WDR41: variants seen among roughly 807,000 people sequenced by gnomAD.
The protein encoded by WDR41 is WD repeat domain 41.
A neutral mutation model predicts 69.3 loss-of-function variants in WDR41; 63 were observed. That is an observed-to-expected ratio of 0.91 (90% CI 0.74 to 1.12). The LOEUF is 1.12. Among genes scored for constraint, WDR41 ranks in the 50% most tolerant of loss-of-function variants. The pLI is 0.00. For synonymous variants in WDR41, 185 were observed against 192.1 expected, an observed-to-expected ratio of 0.96 and a Z score of 0.31; for missense variants, 543 against 534.5, an observed-to-expected ratio of 1.02 and a Z score of -0.16.
chr5:77,569,856 CCT>C (rs1743700882), intron 1 of WDR41, among the ~76,000 whole-genome samples: 1 of 152,148 alleles, frequency 6.6e-6, no homozygotes, highest in African/African-American at 2.4e-5. Context: ...TCAAAGGAAA[CCT>C]CTCACCATTG....
At chr5:77,508,584 T>C (rs1802149712) in intron 1 of WDR41, among the ~76,000 whole-genome samples, 2 of 152,204 alleles carry the variant, frequency 1.3e-5, no homozygotes, top group Non-Finnish European at 2.9e-5. Flanking sequence ...TCACTGGCAG[T>C]TCTGTTGGCT....
intron 1 of WDR41, among the ~76,000 whole-genome samples, chr5:77,617,234 T>C (rs1461830816): frequency 6.6e-6 from 1 of 152,234 alleles, no homozygotes; most frequent in Non-Finnish European, 1.5e-5. Flanking sequence ...ATTGATTTTA[T>C]CTAACTTAAA....
chr5:77,468,817 A>G (rs1362545226), intron 2 of WDR41, among the ~76,000 whole-genome samples: 3 of 152,184 alleles, frequency 2.0e-5, no homozygotes, highest in African/African-American at 4.8e-5. Flanking sequence ...AATACTATAC[A>G]GTTTCCATGA....
intron 1 of WDR41, among the ~76,000 whole-genome samples, chr5:77,525,790 T>G (rs1164118546): frequency 6.6e-6 from 1 of 152,180 alleles, no homozygotes; most frequent in Non-Finnish European, 1.5e-5. Flanking sequence ...TGAGCTCATT[T>G]AGGACAATGC....
At chr5:77,588,619 G>A (rs1744081637) in intron 1 of WDR41, among the ~76,000 whole-genome samples, 1 of 151,946 alleles carries the variant, frequency 6.6e-6, no homozygotes, top group Middle Eastern at 3.2e-3. Context: ...TGACCTATAT[G>A]GTCAATTCTC....
At chr5:77,573,113 C>T (rs1743761361) in intron 1 of WDR41, among the ~76,000 whole-genome samples, 2 of 152,176 alleles carry the variant, frequency 1.3e-5, no homozygotes, top group African/African-American at 2.4e-5. Context: ...GTTCCTTCCT[C>T]TCCAGGACAG....
chr5:77,482,128 T>C (rs1025989316), intron 2 of WDR41, among the ~76,000 whole-genome samples: 4 of 152,218 alleles, frequency 2.6e-5, no homozygotes, highest in African/African-American at 9.6e-5. Context: ...CATGTACTCA[T>C]TGCCTGTCTC....
chr5:77,617,538 T>A (rs1192841951), intron 1 of WDR41, among the ~76,000 whole-genome samples: 1 of 152,106 alleles, frequency 6.6e-6, no homozygotes, highest in Non-Finnish European at 1.5e-5. Flanking sequence ...TATTTAAAAA[T>A]CAGAGAAAGC....
intron 1 of WDR41, among the ~76,000 whole-genome samples, chr5:77,592,550 T>C (rs1744152885): frequency 6.6e-6 from 1 of 152,170 alleles, no homozygotes; most frequent in African/African-American, 2.4e-5. Context: ...AAAGCTGTTA[T>C]ACTCACCATT....
chr5:77,435,095 T>C (rs1258308985), intron 12 of WDR41, among the ~76,000 whole-genome samples: 4 of 152,166 alleles, frequency 2.6e-5, no homozygotes, highest in Admixed American at 6.5e-5. Flanking sequence ...ACGTAAATGC[T>C]ATCTTTGCCC....
intron 2 of WDR41, among the ~76,000 whole-genome samples, chr5:77,469,042 C>T (rs1286210816): frequency 9.2e-5 from 14 of 152,054 alleles, no homozygotes; most frequent in Non-Finnish European, 2.9e-5. Flanking sequence ...ACATATACAC[C>T]ATGGAATACT....
chr5:77,514,755 A>G (rs188845156), intron 1 of WDR41, among the ~76,000 whole-genome samples: 1 of 152,314 alleles, frequency 6.6e-6, no homozygotes, highest in East Asian at 1.9e-4. Flanking sequence ...GGTCTAGCCC[A>G]TTGCTCCTAG....
intron 2 of WDR41, among the ~76,000 whole-genome samples, chr5:77,472,560 G>A (rs1444190320): frequency 2.6e-5 from 4 of 152,062 alleles, no homozygotes; most frequent in South Asian, 2.1e-4. Flanking sequence ...TAAGCTGATA[G>A]GCAACTTCAG....
At chr5:77,540,148 C>G (rs1346393946) in intron 1 of WDR41, among the ~76,000 whole-genome samples, 1 of 152,176 alleles carries the variant, frequency 6.6e-6, no homozygotes, top group African/African-American at 2.4e-5. Context: ...TGATAGAATT[C>G]CCAGTACACT....
At chr5:77,587,186 T>C (rs1012499638) in intron 1 of WDR41, among the ~76,000 whole-genome samples, 2 of 151,824 alleles carry the variant, frequency 1.3e-5, no homozygotes, top group African/African-American at 4.8e-5. Flanking sequence ...TGCCTGCTCC[T>C]GAAGTTTATA....
At position 77,524,839 on chromosome 5, in the gene WDR41, G is replaced by T. The variant is rs769074794; in HGVS notation, c.43-35267C>A. Among the ~76,000 whole-genome samples the T allele has an allele frequency of 3.2e-4, 49 of 152,222 alleles. 1 individual carries two copies. The highest frequency in any genetic ancestry group is 2.1e-3 in the South Asian group (10 of 4,832). The stretch of plus-strand genomic sequence containing the variant: ...TGGAGAGGACAGTCTTAGCCTAGAA[G>T]ATTCTCAGAAATCTCAAGGTCTAGC... On this transcript the variant is annotated intron_variant, in intron 1 of 5. Coordinates refer to the WDR41 transcript ENST00000509971.
chr5:77,440,406 T>C (rs1799111792), intron 9 of WDR41, among the ~76,000 whole-genome samples: 1 of 152,226 alleles, frequency 6.6e-6, no homozygotes, highest in Non-Finnish European at 1.5e-5. Flanking sequence ...TCACTCAATT[T>C]ATCTTGCCCC....
intron 1 of WDR41, among the ~76,000 whole-genome samples, chr5:77,609,889 AAAG>A (rs1263808115): frequency 6.6e-6 from 1 of 152,252 alleles, no homozygotes; most frequent in Admixed American, 6.5e-5. Context: ...AACCAAAGGC[AAAG>A]AAGTTAAAAA....
At chr5:77,598,895 A>G (rs1253545117) in intron 1 of WDR41, among the ~76,000 whole-genome samples, 2 of 152,140 alleles carry the variant, frequency 1.3e-5, no homozygotes, top group African/African-American at 4.8e-5. Context: ...CAAGGAAGCC[A>G]TAAGTCAAGA....
Sources: gnomAD v4.1 joint callset for allele counts (sites outside exome capture counted in the v4.1 genomes callset) on GRCh38, gnomAD v4.1.1 for gene constraint, MANE v1.5 for transcripts, NCBI Gene and HGNC (gene_info 2026-07-23, HGNC 2026-07-21) for gene names.